LRRTM4: variants seen among roughly 807,000 people sequenced by gnomAD.
LRRTM4 encodes leucine rich repeat transmembrane neuronal 4, also known as leucine-rich repeat transmembrane neuronal protein 4.
A neutral mutation model predicts 47.6 loss-of-function variants in LRRTM4; 25 were observed. The observed-to-expected ratio is 0.53, with a 90% CI of 0.38 to 0.73. The LOEUF (loss-of-function observed/expected upper bound fraction) is 0.73. LRRTM4 is among the 30% of genes least tolerant of loss of function. LRRTM4 has a pLI of 0.00. For synonymous variants in LRRTM4, 311 were observed against 269.5 expected (o/e 1.15, Z -1.51); for missense variants, 638 against 713.4 (o/e 0.89, Z 1.20).
At chr2:77,504,736 G>T (rs1189315133) in intron 3 of LRRTM4, among the ~76,000 whole-genome samples, 1 of 151,418 alleles carries the variant, frequency 6.6e-6, no homozygotes, top group South Asian at 2.1e-4. Flanking sequence ...ATAGTTTGTA[G>T]TGCAGTGGTC....
chr2:77,199,217 A>G (rs948865432), intron 3 of LRRTM4, among the ~76,000 whole-genome samples: 5 of 152,180 alleles, frequency 3.3e-5, no homozygotes, highest in African/African-American at 1.2e-4. Flanking sequence ...TTTAAAAAAG[A>G]AAAAGGAACC....
intron 3 of LRRTM4, among the ~76,000 whole-genome samples, chr2:76,908,102 C>T (rs2103769126): frequency 6.6e-6 from 1 of 151,540 alleles, no homozygotes; most frequent in Middle Eastern, 3.4e-3. Flanking sequence ...CAATAAAATA[C>T]TGGCAAACCG....
chr2:76,800,273 G>A (rs1468090842), intron 3 of LRRTM4, among the ~76,000 whole-genome samples: 1 of 149,388 alleles, frequency 6.7e-6, no homozygotes, highest in Admixed American at 6.7e-5. Context: ...CAATGGAACA[G>A]AACAGAGCCC....
chr2:76,757,016 T>C (rs900202941), intron 3 of LRRTM4, among the ~76,000 whole-genome samples: 3 of 152,124 alleles, frequency 2.0e-5, no homozygotes, highest in Non-Finnish European at 2.9e-5. Context: ...TATGGAATAA[T>C]TCATTAAATT....
At chr2:77,235,357 C>T (rs1035405365) in intron 3 of LRRTM4, among the ~76,000 whole-genome samples, 14 of 152,002 alleles carry the variant, frequency 9.2e-5, no homozygotes, top group Non-Finnish European at 1.8e-4. Flanking sequence ...GTTCATTTCT[C>T]ATGCCCATTT....
intron 3 of LRRTM4, among the ~76,000 whole-genome samples, chr2:77,189,697 G>C (rs768214804): frequency 4.6e-5 from 7 of 151,902 alleles, no homozygotes; most frequent in Non-Finnish European, 8.8e-5. Flanking sequence ...TAAGTCACTA[G>C]TCTATGCTAA....
chr2:77,466,617 A>G (rs1373901138), intron 3 of LRRTM4, among the ~76,000 whole-genome samples: 2 of 152,054 alleles, frequency 1.3e-5, no homozygotes, highest in Non-Finnish European at 2.9e-5. Flanking sequence ...TGCCAACCCA[A>G]TAAAATTCCA....
chr2:77,207,545 T>C (rs906545937), intron 3 of LRRTM4, among the ~76,000 whole-genome samples: 1 of 151,804 alleles, frequency 6.6e-6, no homozygotes, highest in African/African-American at 2.4e-5. Flanking sequence ...TTATTGTTCA[T>C]TGCAGAGTTG....
chr2:77,260,972 T>C (rs1675904437), intron 3 of LRRTM4, among the ~76,000 whole-genome samples: 1 of 150,558 alleles, frequency 6.6e-6, no homozygotes, highest in Non-Finnish European at 1.5e-5. Flanking sequence ...TTATACTTCT[T>C]CCATATTTCC....
intron 3 of LRRTM4, among the ~76,000 whole-genome samples, chr2:77,417,770 G>C (rs553847548): frequency 2.6e-5 from 4 of 151,340 alleles, no homozygotes; most frequent in Non-Finnish European, 4.4e-5. Context: ...TTGTTGGGGG[G>C]GAAGGGGGGA....
intron 3 of LRRTM4, among the ~76,000 whole-genome samples, chr2:76,817,272 G>A (rs1293018509): frequency 6.6e-6 from 1 of 151,566 alleles, no homozygotes; most frequent in Non-Finnish European, 1.5e-5. Flanking sequence ...ATGGCAGGAA[G>A]TGATATGTCA....
chr2:77,001,166 C>T (rs1268391343), intron 3 of LRRTM4, among the ~76,000 whole-genome samples: 1 of 152,166 alleles, frequency 6.6e-6, no homozygotes, highest in East Asian at 1.9e-4. Context: ...TAGTAGCTGT[C>T]ATCTCAGCAG....
chr2:77,286,615 C>A (rs1432142393), intron 3 of LRRTM4, among the ~76,000 whole-genome samples: 1 of 150,392 alleles, frequency 6.6e-6, no homozygotes, highest in Admixed American at 6.6e-5. Flanking sequence ...AAAAAAAAAA[C>A]TCTAGCAAAG....
At chr2:76,753,926 G>A (rs560625772) in intron 3 of LRRTM4, among the ~76,000 whole-genome samples, 6 of 152,070 alleles carry the variant, frequency 3.9e-5, no homozygotes, top group Non-Finnish European at 5.9e-5. Flanking sequence ...CTTAAGAGTC[G>A]GATCATTTTA....
intron 3 of LRRTM4, among the ~76,000 whole-genome samples, chr2:76,856,386 A>G (rs528864539): frequency 1.3e-5 from 2 of 152,270 alleles, no homozygotes; most frequent in African/African-American, 4.8e-5. Context: ...AATATCCACT[A>G]TGGTTGAAGT....
At chr2:76,884,691 C>T (rs566732636) in intron 3 of LRRTM4, among the ~76,000 whole-genome samples, 1 of 152,108 alleles carries the variant, frequency 6.6e-6, no homozygotes, top group African/African-American at 2.4e-5. Context: ...GAGAAACAAC[C>T]AGTACAATCT....
chr2:76,821,192 T>C (rs756045008), intron 3 of LRRTM4, among the ~76,000 whole-genome samples: 31 of 151,616 alleles, frequency 2.0e-4, no homozygotes, highest in Non-Finnish European at 3.4e-4. Flanking sequence ...ATGTGTGATA[T>C]AGCAAAACAA....
intron 3 of LRRTM4, among the ~76,000 whole-genome samples, chr2:77,419,497 T>C (rs1249132029): frequency 1.3e-5 from 2 of 152,180 alleles, no homozygotes; most frequent in African/African-American, 4.8e-5. Context: ...CTTAACGCAA[T>C]GTAAGTGCTA....
chr2:77,308,406 T>C (rs1434338804), intron 3 of LRRTM4, among the ~76,000 whole-genome samples: 3 of 152,094 alleles, frequency 2.0e-5, no homozygotes, highest in African/African-American at 4.8e-5. Flanking sequence ...TTATAAACAA[T>C]CGACTAACAC....
Sources: allele counts gnomAD v4.1 joint callset (sites outside exome capture counted in the v4.1 genomes callset), GRCh38; gene constraint gnomAD v4.1.1; transcripts MANE v1.5; gene names NCBI Gene and HGNC (gene_info 2026-07-23, HGNC 2026-07-21).